PXDNL: variants seen among roughly 807,000 people sequenced by gnomAD.
PXDNL encodes the protein probable oxidoreductase PXDNL.
In PXDNL, 145 loss-of-function variants were observed where a neutral mutation model predicts 150.8. The ratio of observed to expected loss-of-function variants is 0.96; its 90% CI spans 0.84 to 1.10. PXDNL has a LOEUF of 1.10. Ranked by LOEUF, PXDNL falls within the 50% of genes least tolerant of loss-of-function variation. The pLI is 0.00. For missense variants in PXDNL, 2,087 were observed against 1,873.9 expected, an observed-to-expected ratio of 1.11 and a Z score of -2.10; for synonymous variants, 757 against 725.7, an observed-to-expected ratio of 1.04 and a Z score of -0.69.
chr8:51,719,447 C>G (rs1244394283), intron 1 of PXDNL, among the ~76,000 whole-genome samples: 1 of 152,104 alleles, frequency 6.6e-6, no homozygotes, highest in African/African-American at 2.4e-5. Context: ...AGGCAGCATG[C>G]TCTTTAAGAG....
chr8:51,423,604 G>A lies in PXDNL; in HGVS notation c.1766C>T (p.Ala589Val). The A allele has an allele frequency of 6.2e-7, 1 of 1,613,748 alleles. No individual in the cohort carries two copies. Among genetic ancestry groups the A allele is most frequent in the Non-Finnish European group, 8.5e-7 (1 of 1,179,780 alleles). Residue 589 changes from alanine (A) to valine (V), a missense_variant, in exon 14 of 23, where the codon GCT (alanine) becomes GTT (valine). By Grantham distance (64) the Ala-to-Val change is moderately conservative (BLOSUM62 0). Coordinates refer to ENST00000356297, the MANE Select transcript of PXDNL (RefSeq NM_144651.5). ...ECVARNSFGLAVTNMFLTVTA... is the reference protein window; with the variant it reads ...ECVARNSFGLVVTNMFLTVTA... ...GACTGTAAGAAACATGTTGGTCACAGCAAGGCCAAAAGAATTCCGAGCCAC... is the reference window on the plus strand; with the variant it reads ...GACTGTAAGAAACATGTTGGTCACAACAAGGCCAAAAGAATTCCGAGCCAC...
chr8:51,722,239 T>C (rs1341335553), intron 1 of PXDNL: 1 of 153,096 alleles, frequency 6.5e-6, no homozygotes, highest in Non-Finnish European at 1.5e-5. Flanking sequence ...TTGCAGGACA[T>C]GCGACAGGGA....
At chr8:51,755,439 C>T (rs1028773578) in intron 1 of PXDNL, among the ~76,000 whole-genome samples, 20 of 152,016 alleles carry the variant, frequency 1.3e-4, no homozygotes, top group African/African-American at 4.1e-4. Flanking sequence ...GGATTACAGG[C>T]GCCCACCACC....
intron 4 of PXDNL, among the ~76,000 whole-genome samples, chr8:51,504,652 C>T (rs1811249636): frequency 6.6e-6 from 1 of 152,220 alleles, no homozygotes; most frequent in Non-Finnish European, 1.5e-5. Flanking sequence ...CCTAACGAAA[C>T]TCTAAGATCC....
intron 4 of PXDNL, among the ~76,000 whole-genome samples, chr8:51,551,478 C>T (rs1363452062): frequency 6.6e-6 from 1 of 151,934 alleles, no homozygotes; most frequent in Non-Finnish European, 1.5e-5. Flanking sequence ...TAAAAACAGG[C>T]AAGTAGAACA....
chr8:51,577,996 A>AAG, intron 3 of PXDNL, among the ~76,000 whole-genome samples: 1 of 45,516 alleles, frequency 2.2e-5, no homozygotes, highest in East Asian at 4.6e-4. Context: ...AGAAAGAAAG[A>AAG]AAGAGGAAGG....
chr8:51,400,153 T>G (rs1051281571), intron 17 of PXDNL, among the ~76,000 whole-genome samples: 2 of 152,216 alleles, frequency 1.3e-5, no homozygotes, highest in African/African-American at 4.8e-5. Flanking sequence ...TGGGAATACA[T>G]GCACATACAT....
chr8:51,739,283 T>C (rs1384361751), intron 1 of PXDNL, among the ~76,000 whole-genome samples: 1 of 150,714 alleles, frequency 6.6e-6, no homozygotes, highest in Non-Finnish European at 1.5e-5. Context: ...AGTCCAACAG[T>C]AAACAATGGT....
At chr8:51,650,697 G>A (rs1195789141) in intron 2 of PXDNL, among the ~76,000 whole-genome samples, 1 of 152,190 alleles carries the variant, frequency 6.6e-6, no homozygotes, top group African/African-American at 2.4e-5. Context: ...TGCCAAGTTT[G>A]TGGAGATAAA....
At chr8:51,564,379 A>G (rs144634613) in intron 3 of PXDNL, among the ~76,000 whole-genome samples, 1 of 151,894 alleles carries the variant, frequency 6.6e-6, no homozygotes, top group East Asian at 2.0e-4. Context: ...TCCAACTTTT[A>G]TTTTCGGTTC....
intron 2 of PXDNL, among the ~76,000 whole-genome samples, chr8:51,606,430 T>G (rs918372362): frequency 6.6e-6 from 1 of 152,220 alleles, no homozygotes; most frequent in Non-Finnish European, 1.5e-5. Context: ...TTGTGGTTCT[T>G]GTATAGCTCA....
chr8:51,455,229 G>A (rs895582774), intron 9 of PXDNL, among the ~76,000 whole-genome samples: 2 of 151,794 alleles, frequency 1.3e-5, no homozygotes, highest in Non-Finnish European at 2.9e-5. Context: ...GAGATAATCT[G>A]ATGCATGCAT....
intron 1 of PXDNL, among the ~76,000 whole-genome samples, chr8:51,683,825 C>A (rs1815812370): frequency 6.6e-6 from 1 of 152,100 alleles, no homozygotes; most frequent in South Asian, 2.1e-4. Flanking sequence ...CAAACAGCTC[C>A]AGTGTAGCAA....
intron 1 of PXDNL, among the ~76,000 whole-genome samples, chr8:51,753,898 T>C (rs1207185842): frequency 1.3e-5 from 2 of 152,192 alleles, no homozygotes; most frequent in African/African-American, 2.4e-5. Context: ...GGGCATTCCT[T>C]TGTCTGATTT....
chr8:51,497,776 A>C (rs1585526645), intron 5 of PXDNL, among the ~76,000 whole-genome samples: 3 of 152,192 alleles, frequency 2.0e-5, no homozygotes, highest in East Asian at 1.9e-4. Flanking sequence ...AAAAGTCAGG[A>C]AACAACAGGT....
intron 8 of PXDNL, among the ~76,000 whole-genome samples, chr8:51,458,938 A>C (rs529233566): frequency 1.4e-5 from 2 of 142,836 alleles, no homozygotes. Context: ...ATAAAAACCC[A>C]ATGTGAAGAA....
chr8:51,363,299 G>A (rs1806810724), intron 19 of PXDNL, among the ~76,000 whole-genome samples: 1 of 151,200 alleles, frequency 6.6e-6, no homozygotes, highest in Non-Finnish European at 1.5e-5. Flanking sequence ...GAAGACATTA[G>A]TGAAGGTACT....
At chr8:51,510,090 G>A (rs894204170) in intron 4 of PXDNL, among the ~76,000 whole-genome samples, 1 of 152,018 alleles carries the variant, frequency 6.6e-6, no homozygotes, top group Non-Finnish European at 1.5e-5. Context: ...CAGACCCTTA[G>A]CACAAGGTTC....
intron 1 of PXDNL, among the ~76,000 whole-genome samples, chr8:51,673,686 T>C (rs1162470955): frequency 6.6e-6 from 1 of 152,178 alleles, no homozygotes; most frequent in Non-Finnish European, 1.5e-5. Flanking sequence ...TTTTCAATCC[T>C]TTTAATGCAA....
Sources: gnomAD v4.1 joint callset for allele counts (sites outside exome capture counted in the v4.1 genomes callset) on GRCh38, gnomAD v4.1.1 for gene constraint, MANE v1.5 for transcripts, NCBI Gene and HGNC (gene_info 2026-07-23, HGNC 2026-07-21) for gene names.